The following SKOR2 variants were observed in gnomAD, a reference collection of about 807,000 sequenced individuals.
SKOR2 encodes LBX1 corepressor 1-like protein.
Under a neutral mutation model 69.1 loss-of-function variants are expected in SKOR2, and 47 were observed. That is an observed-to-expected ratio of 0.68 (90% CI 0.54 to 0.87). SKOR2 has a LOEUF of 0.87. SKOR2 is among the 40% of genes least tolerant of loss of function. The pLI is 0.00. For synonymous variants in SKOR2, 717 were observed against 672.6 expected (o/e 1.07, Z -1.02); for missense variants, 1,404 against 1,472.2 (o/e 0.95, Z 0.76).
intron 4 of SKOR2, among the ~76,000 whole-genome samples, chr18:47,231,603 G>T (rs2064198716): frequency 6.6e-6 from 1 of 152,074 alleles, no homozygotes; most frequent in Admixed American, 6.6e-5. Context: ...CAGCACTTTG[G>T]GATGCCGAGG....
rs371202595 is a variant in SKOR2 at position 47,248,839 on chromosome 18, G to A, written c.345C>T (p.Cys115=). The A allele has an allele frequency of 3.2e-6, 5 of 1,560,742 alleles. No homozygotes were observed. The highest frequency in any genetic ancestry group is 4.7e-5 in the East Asian group (2 of 42,422). Residue 115 remains cysteine, a synonymous_variant, in exon 2 of 9, where the codon TGC becomes TGT. Transcript: ENST00000425639. This position sits in a 1 kb window ranked among gnomAD's most constrained non-coding sequence, Gnocchi z 6.4. ...AGAMPISSRR[C]GMITKREAER... is the part of the protein sequence containing the mutation. Reference sequence around the variant, plus strand: ...CGGCCTCGCGTTTGGTGATCATGCCGCAGCGGCGCGATGAGATGGGCATGG... The same window carrying A: ...CGGCCTCGCGTTTGGTGATCATGCCACAGCGGCGCGATGAGATGGGCATGG...
At chr18:47,237,110 C>T (rs1408265874) in intron 4 of SKOR2, among the ~76,000 whole-genome samples, 5 of 152,198 alleles carry the variant, frequency 3.3e-5, no homozygotes, top group Admixed American at 3.3e-4. Context: ...CCAACTAACG[C>T]TATTCTAAAT....
At chr18:47,221,458 C>T (rs949727149) in intron 6 of SKOR2, among the ~76,000 whole-genome samples, 12 of 152,148 alleles carry the variant, frequency 7.9e-5, no homozygotes, top group Admixed American at 2.0e-4. Context: ...TGGCTGCAGC[C>T]GAGGGCACGG....
At chr18:47,249,924 A>T (rs977850819) in intron 1 of SKOR2, among the ~76,000 whole-genome samples, 11 of 152,232 alleles carry the variant, frequency 7.2e-5, no homozygotes, top group Non-Finnish European at 5.9e-5. Context: ...GTTTTTAAAA[A>T]ACCTACTTGC....
Position 47,206,839 on chromosome 18 carries a change from G to A in SKOR2, c.*57C>T, listed in dbSNP as rs1898382317. ...GCAGTCTTTAACACGGGTCAGAAGT[G>A]CTCCATGGCAGGCTGTATCTTACAA... On this transcript the variant is annotated 3_prime_UTR_variant, in exon 9 of 9. Transcript: ENST00000425639. The A allele has an allele frequency of 6.6e-6, 1 of 152,158 alleles. No homozygotes were observed. Among genetic ancestry groups the A allele is most frequent in the African/African-American group, 2.4e-5 (1 of 41,436 alleles). The allele number at this position is 152,158 out of a possible 1,614,324, so 9.4% of individuals were successfully genotyped here.
Position 47,247,685 on chromosome 18 carries a change from C to A in SKOR2, c.1499G>T (p.Gly500Val). 7.3e-7 allele frequency: 1 copy of A among 1,371,726 alleles called. No individual in the cohort carries two copies. The highest frequency in any genetic ancestry group is 3.4e-5 in the Admixed American group (1 of 29,210). 85.0% of individuals were successfully genotyped at this position (1,371,726 alleles called of 1,614,324 possible). ...QPPSALGCALGESPALLRQAF... is the reference protein window; with the variant it reads ...QPPSALGCALVESPALLRQAF... The stretch of plus-strand genomic sequence containing the variant: ...CTGGCGCAGCAGGGCCGGGCTTTCG[C>A]CTAGCGCGCAGCCTAGCGCCGAGGG... The change falls in exon 2 of 9, where the codon GGC becomes GTC. Residue 500 changes from glycine to valine, a missense_variant. This residue lies in a region of SKOR2 where 1,266 missense variants were observed against 1,309.9 expected (regional missense o/e 0.97). Transcript: ENST00000425639. This position sits in a 1 kb window ranked among gnomAD's most constrained non-coding sequence, Gnocchi z 6.6.
chr18:47,242,412 T>C (rs749149242), intron 4 of SKOR2, among the ~76,000 whole-genome samples: 11 of 152,100 alleles, frequency 7.2e-5, no homozygotes, highest in Admixed American at 2.0e-4. Flanking sequence ...AAATTATGAA[T>C]GTTAGCTGTT....
At position 47,245,575 on chromosome 18, in the gene SKOR2, A is replaced by T; in HGVS notation, c.2614-14T>A. On this transcript the variant is annotated splice_polypyrimidine_tract_variant and intron_variant, in intron 2 of 8. Coordinates refer to ENST00000425639, the MANE Select transcript of SKOR2 (RefSeq NM_001278063.4). ...AGTTTTCTGACTCTGTGTGGAAAAGAATTAGACATACAAATCAATGCCCGG... is the reference window on the plus strand; with the variant it reads ...AGTTTTCTGACTCTGTGTGGAAAAGTATTAGACATACAAATCAATGCCCGG... 1 of 1,496,494 alleles carries T rather than the reference A, an allele frequency of 6.7e-7. No individual in the cohort carries two copies. The highest frequency in any genetic ancestry group is 8.8e-7 in the Non-Finnish European group (1 of 1,130,950). The allele number at this position is 1,496,494 out of a possible 1,614,324, so 92.7% of individuals were successfully genotyped here.
chr18:47,249,335 T>G, intron 1 of SKOR2, 105 bp from the exon 2 acceptor site: 3 of 1,097,550 alleles, frequency 2.7e-6, no homozygotes, highest in Non-Finnish European at 3.8e-6. Flanking sequence ...TTGCTTTGGT[T>G]AAGACACGAT....
In SKOR2 at chr18:47,247,030, A is replaced by G. The variant is rs1238307487; in HGVS notation, c.2154T>C (p.Ser718=). The G allele has an allele frequency of 5.9e-5, 87 of 1,475,838 alleles. No homozygotes were observed. Among genetic ancestry groups the G allele is most frequent in the Non-Finnish European group, 7.8e-5 (87 of 1,119,002 alleles). 91.4% of individuals were successfully genotyped at this position (1,475,838 alleles called of 1,614,324 possible). A position where few individuals can be genotyped will look rare whatever the true frequency, so the allele number is the denominator to read the frequency against. ...GGTAGCAGCAGCTGGTTCCCCCGGG[A>G]GACAGAAGGCCTCGGTGGTGCGGGT... ...AQHPHHRGLL[S]PGGTSCCYPS... is the part of the protein sequence containing the mutation. The change falls in exon 2 of 9, where the codon TCT becomes TCC. Residue 718 remains serine, a synonymous_variant. Transcript: ENST00000425639. The surrounding 1 kb of genome is among the most constrained non-coding windows in gnomAD (Gnocchi z 6.6).
At position 47,246,831 on chromosome 18, in the gene SKOR2, CG is replaced by C; in HGVS notation, c.2352del (p.Gly785AlafsTer30). On this transcript the variant is annotated frameshift_variant, in exon 2 of 9. Coordinates refer to ENST00000425639, the MANE Select transcript of SKOR2 (RefSeq NM_001278063.4). LOFTEE classifies it high-confidence loss of function. ...GGCCCTCGGCCCTGGAGGAACCGGC[CG>C]CCCCCGACTAAGGGGTCGCCGAGTA... is the stretch of plus-strand genomic sequence containing the variant. ...EVLLGDPLVG[G>X]GRFLQGRGPS... The C allele has an allele frequency of 6.8e-7, 1 of 1,464,358 alleles. No homozygotes were observed. The highest frequency in any genetic ancestry group is 9.0e-7 in the Non-Finnish European group (1 of 1,114,520). The allele number at this position is 1,464,358 out of a possible 1,614,324, so 90.7% of individuals were successfully genotyped here. A position where few individuals can be genotyped will look rare whatever the true frequency, so the allele number is the denominator to read the frequency against.
intron 4 of SKOR2, among the ~76,000 whole-genome samples, chr18:47,238,276 A>G (rs1319333323): frequency 6.6e-6 from 1 of 151,364 alleles, no homozygotes; most frequent in Non-Finnish European, 1.5e-5. Flanking sequence ...ATTTAATTGC[A>G]CACTCACAGG....
Position 47,248,084 on chromosome 18 carries a change from C to G in SKOR2, c.1100G>C (p.Gly367Ala), listed in dbSNP as rs1205917493. 1.4e-5 allele frequency: 19 copies of G among 1,378,748 alleles called. No individual in the cohort carries two copies. Among genetic ancestry groups the G allele is most frequent in the Non-Finnish European group, 1.8e-5 (19 of 1,068,556 alleles). 85.4% of individuals were successfully genotyped at this position (1,378,748 alleles called of 1,614,324 possible). The change falls in exon 2 of 9, where the codon GGG (glycine) becomes GCG (alanine). Residue 367 changes from glycine (G) to alanine (A), a missense_variant. Around this residue, in one of 3 missense-constraint regions of SKOR2, gnomAD observed 1,266 missense variants for 1,309.9 expected, o/e 0.97. Transcript: ENST00000425639. This position sits in a 1 kb window ranked among gnomAD's most constrained non-coding sequence, Gnocchi z 6.4. ...TTTGGCCCCTGCCCCGGCACCCGCC[C>G]CCGCGCCCGCGCCCACGCCCACGCC... ...VAGVGVGAGA[G>A]AGAGAGAKGP...
intron 7 of SKOR2, among the ~76,000 whole-genome samples, chr18:47,217,127 G>A (rs1030291906): frequency 2.6e-5 from 4 of 152,132 alleles, no homozygotes; most frequent in Non-Finnish European, 5.9e-5. Flanking sequence ...GTAAACATAG[G>A]TCCTTCCTGC....
At chr18:47,225,701 G>C (rs545987369) in intron 6 of SKOR2, among the ~76,000 whole-genome samples, 66 of 152,142 alleles carry the variant, frequency 4.3e-4, no homozygotes, top group Non-Finnish European at 8.1e-4. Context: ...CTTGGATGTG[G>C]CAAAACTTTA....
At position 47,242,230 on chromosome 18, in the gene SKOR2, TGAAA is replaced by T. The variant is rs1186004140; in HGVS notation, c.2752+2674_2752+2677del. 4.6e-5 allele frequency among the ~76,000 whole-genome samples: 7 copies of T among 152,252 alleles called. No individual in the cohort carries two copies. In the East Asian group the frequency reaches 1.3e-3, roughly 29 times the overall value. Reference sequence around the variant, plus strand: ...AAATTCCATCCAAATCAGAGGAAGATGAAAGAGAGAAATTCAGTTTTTAACAAAT... The same window carrying T: ...AAATTCCATCCAAATCAGAGGAAGATGAGAGAAATTCAGTTTTTAACAAAT... On this transcript the variant is annotated intron_variant, in intron 4 of 8. Transcript: ENST00000425639.
intron 8 of SKOR2, among the ~76,000 whole-genome samples, chr18:47,211,357 T>C (rs2064127304): frequency 6.6e-6 from 1 of 152,234 alleles, no homozygotes; most frequent in African/African-American, 2.4e-5. Context: ...CATCCCAATA[T>C]ATTGTTACAG....
At position 47,209,436 on chromosome 18, in the gene SKOR2, T is replaced by C. The variant is rs1392428495; in HGVS notation, c.*4-2544A>G. On this transcript the variant is annotated intron_variant, in intron 8 of 8. Coordinates refer to ENST00000425639, the MANE Select transcript of SKOR2 (RefSeq NM_001278063.4). ...CTCTTGGGGTAACTCCTTGCAGACT[T>C]GGCATGTTGAGAATCAGAGACTGCC... 9.2e-5 allele frequency among the ~76,000 whole-genome samples: 14 copies of C among 152,190 alleles called. No homozygotes were observed. The East Asian group carries it at 2.7e-3, about 29-fold the overall frequency.
chr18:47,247,637 G>T lies in SKOR2; in HGVS notation c.1547C>A (p.Pro516Gln). ...CTCGGCGCTCCCAGCAGCACCGCCTGGCTCAGCCAGGTCCAGGAAGGCCTG... is the reference window on the plus strand; with the variant it reads ...CTCGGCGCTCCCAGCAGCACCGCCTTGCTCAGCCAGGTCCAGGAAGGCCTG... Reference protein sequence around the residue: ...LRQAFLDLAEPGGAAGSAEAA... With the variant: ...LRQAFLDLAEQGGAAGSAEAA... Residue 516 changes from proline to glutamine, a missense_variant, in exon 2 of 9, where the codon CCA (proline) becomes CAA (glutamine). Physicochemically the swap from Pro to Gln is moderately conservative, Grantham distance 76. Transcript: ENST00000425639. The surrounding 1 kb of genome is among the most constrained non-coding windows in gnomAD (Gnocchi z 6.6). 7.4e-7 allele frequency: 1 copy of T among 1,348,334 alleles called. No homozygotes were observed. Among genetic ancestry groups the T allele is most frequent in the Non-Finnish European group, 9.5e-7 (1 of 1,052,860 alleles). The allele number at this position is 1,348,334 out of a possible 1,614,324, so 83.5% of individuals were successfully genotyped here. A position where few individuals can be genotyped will look rare whatever the true frequency, so the allele number is the denominator to read the frequency against.
Sources: gnomAD v4.1 joint callset for allele counts (sites outside exome capture counted in the v4.1 genomes callset) on GRCh38, gnomAD v4.1.1 for gene constraint, gnomAD v4.1.1 regional missense constraint, Gnocchi (gnomAD v3.1) non-coding constraint, MANE v1.5 for transcripts, NCBI Gene and HGNC (gene_info 2026-07-23, HGNC 2026-07-21) for gene names.